MAN1B1: variants seen among roughly 807,000 people sequenced by gnomAD.
MAN1B1 encodes the protein endoplasmic reticulum mannosyl-oligosaccharide 1,2-alpha-mannosidase.
MAN1B1 carries 66 observed loss-of-function variants against 75.5 expected under a neutral mutation model. That is an observed-to-expected ratio of 0.87 (90% CI 0.72 to 1.07). The LOEUF (loss-of-function observed/expected upper bound fraction) is 1.07, where lower values mean the gene tolerates loss of function less well. Ranked by LOEUF, MAN1B1 falls within the 50% of genes least tolerant of loss-of-function variation. The pLI is 0.00. For missense variants in MAN1B1, 973 were observed against 912.5 expected (o/e 1.07, Z -0.85); for synonymous variants, 453 against 382.8 (o/e 1.18, Z -2.14).
At position 137,087,224 on chromosome 9, in the gene MAN1B1, G is replaced by C. The variant is rs1309785572; in HGVS notation, c.219+6G>C. The C allele has an allele frequency of 6.4e-7, 1 of 1,567,206 alleles. No individual in the cohort carries two copies. Among genetic ancestry groups the C allele is most frequent in the Admixed American group, 1.9e-5 (1 of 52,948 alleles). On this transcript the variant is annotated splice_donor_region_variant and intron_variant, in intron 1 of 12. Coordinates refer to ENST00000371589, the MANE Select transcript of MAN1B1 (RefSeq NM_016219.5). ...GGCGGCGCTCGTGCTGGAGGGTGAGGGTCGCGCCGGGCTGACTGGGGCCCG... is the reference window on the plus strand; with the variant it reads ...GGCGGCGCTCGTGCTGGAGGGTGAGCGTCGCGCCGGGCTGACTGGGGCCCG...
intron 8 of MAN1B1, chr9:137,104,013 T>C (rs1199163894): frequency 4.4e-6 from 2 of 455,006 alleles, no homozygotes; most frequent in East Asian, 1.4e-4. Context: ...ACATTCACGC[T>C]GTTGCAGGAG....
intron 5 of MAN1B1, 25 bp downstream of exon 5, chr9:137,097,962 C>T: frequency 1.3e-6 from 2 of 1,523,918 alleles, no homozygotes; most frequent in East Asian, 2.5e-5. Flanking sequence ...GCACCCCTTC[C>T]TCCCCGGGCG....
At chr9:137,102,194 G>C (rs2131037327) in intron 8 of MAN1B1, 2 of 441,388 alleles carry the variant, frequency 4.5e-6, no homozygotes, top group South Asian at 1.6e-5. Context: ...CAGGTCGGTG[G>C]TGTTACACGT....
intron 5 of MAN1B1, among the ~76,000 whole-genome samples, chr9:137,099,035 G>A (rs902615924): frequency 6.6e-6 from 1 of 152,148 alleles, no homozygotes; most frequent in Admixed American, 6.5e-5. Context: ...TCGCGATGTT[G>A]GCGAGGCTGG....
chr9:137,093,415 C>G (rs1830568285), intron 3 of MAN1B1, among the ~76,000 whole-genome samples: 1 of 152,034 alleles, frequency 6.6e-6, no homozygotes, highest in Non-Finnish European at 1.5e-5. Context: ...ATCACAATCA[C>G]AAGAAAAGAA....
intron 10 of MAN1B1, 110 bp from the exon 11 acceptor site, chr9:137,107,140 C>T (rs910969303): frequency 5.8e-5 from 72 of 1,238,336 alleles, no homozygotes; most frequent in Non-Finnish European, 7.8e-5. Flanking sequence ...GCCTCCCCTC[C>T]CAGGGTACCA....
At chr9:137,101,873 CGGT>C in intron 8 of MAN1B1, 5 of 728,022 alleles carry the variant, frequency 6.9e-6, no homozygotes, top group Admixed American at 2.0e-5. Flanking sequence ...GCGTGCAGGT[CGGT>C]GGTGTTACAC....
At chr9:137,090,853 A>G (rs887993520) in intron 3 of MAN1B1, among the ~76,000 whole-genome samples, 1 of 152,118 alleles carries the variant, frequency 6.6e-6, no homozygotes, top group Non-Finnish European at 1.5e-5. Flanking sequence ...TTTCTTTAAC[A>G]AGAAAATGTG....
At chr9:137,096,461 A>G in intron 4 of MAN1B1, 70 bp downstream of exon 4, 1 of 1,545,660 alleles carries the variant, frequency 6.5e-7, no homozygotes, top group African/African-American at 1.4e-5. Flanking sequence ...GATTGCGGAA[A>G]CGCATTGTGT....
chr9:137,097,842 T>C lies in MAN1B1; in HGVS notation c.635T>C (p.Val212Ala). Residue 212 changes from valine to alanine, a missense_variant, in exon 5 of 13, where the codon GTG (valine) becomes GCG (alanine). Transcript: ENST00000371589. The part of the protein sequence containing the change: ...QRTVISWRGA[V>A]IEPEQGTELP... ...CTCCCCCGAAGCTGGAGGGGAGCGG[T>C]GATCGAGCCTGAGCAGGGCACCGAG... 1 of 1,554,786 alleles carries C rather than the reference T, an allele frequency of 6.4e-7. No homozygotes were observed. Among genetic ancestry groups the C allele is most frequent in the Non-Finnish European group, 8.7e-7 (1 of 1,149,516 alleles).
At chr9:137,087,481 G>A (rs1393476359) in intron 1 of MAN1B1, 1 of 672,230 alleles carries the variant, frequency 1.5e-6, no homozygotes, top group Non-Finnish European at 2.7e-6. Flanking sequence ...TCTGGGCTTC[G>A]TTCGCTTTTC....
intron 8 of MAN1B1, chr9:137,101,940 G>A (rs1830829140): frequency 1.7e-6 from 1 of 596,216 alleles, no homozygotes; most frequent in African/African-American, 1.9e-5. Flanking sequence ...CATTTGGGCT[G>A]TTGCAGGCGT....
intron 8 of MAN1B1, chr9:137,102,805 T>C: frequency 1.1e-5 from 5 of 449,306 alleles, no homozygotes; most frequent in Non-Finnish European, 2.2e-5. Context: ...TTCATGCTGT[T>C]GCAGGCGTGC....
At chr9:137,100,108 G>A (rs1328334452) in intron 6 of MAN1B1, among the ~76,000 whole-genome samples, 1 of 152,258 alleles carries the variant, frequency 6.6e-6, no homozygotes, top group Non-Finnish European at 1.5e-5. Context: ...CAGGAGTTGA[G>A]TGTGGACTCT....
At chr9:137,107,108 C>A in intron 10 of MAN1B1, 142 bp from the exon 11 acceptor site, 1 of 912,852 alleles carries the variant, frequency 1.1e-6, no homozygotes, top group Non-Finnish European at 1.7e-6. Flanking sequence ...CTCCGCTGTT[C>A]CATGCCAAGT....
chr9:137,091,301 A>G (rs1830505962), intron 3 of MAN1B1, among the ~76,000 whole-genome samples: 1 of 152,096 alleles, frequency 6.6e-6, no homozygotes, highest in African/African-American at 2.4e-5. Flanking sequence ...ATAAGCCAGC[A>G]CCTAGTGTCC....
intron 8 of MAN1B1, chr9:137,102,747 GTGT>G (rs1830898265): frequency 7.6e-5 from 34 of 448,802 alleles, no homozygotes; most frequent in Admixed American, 4.1e-4. Context: ...CAGGTCGGTG[GTGT>G]TACATTCACA....
chr9:137,096,124 G>A, intron 3 of MAN1B1, 113 bp from the exon 4 acceptor site: 2 of 1,131,162 alleles, frequency 1.8e-6, no homozygotes, highest in Non-Finnish European at 2.7e-6. Flanking sequence ...TTTAGTCAGA[G>A]GTCAGAAGCT....
intron 3 of MAN1B1, among the ~76,000 whole-genome samples, chr9:137,090,898 G>A (rs1830497687): frequency 6.6e-6 from 1 of 152,146 alleles, no homozygotes. Context: ...AATAGAGAGG[G>A]GATGGACAGT....
Sources: gnomAD v4.1 joint callset for allele counts (sites outside exome capture counted in the v4.1 genomes callset) on GRCh38, gnomAD v4.1.1 for gene constraint, MANE v1.5 for transcripts, NCBI Gene and HGNC (gene_info 2026-07-23, HGNC 2026-07-21) for gene names.